The following PDE10A variants were observed in gnomAD, a reference collection of about 807,000 sequenced individuals.
PDE10A encodes cAMP and cAMP-inhibited cGMP 3',5'-cyclic phosphodiesterase 10A.
Under a neutral mutation model 97.7 loss-of-function variants are expected in PDE10A, and 39 were observed. The observed-to-expected ratio is 0.40, with a 90% CI of 0.31 to 0.52. PDE10A has a LOEUF of 0.52. PDE10A is among the 20% of genes least tolerant of loss of function. PDE10A has a pLI of 0.56. For synonymous variants in PDE10A, 371 were observed against 376.8 expected (o/e 0.98, Z 0.18); for missense variants, 731 against 1,047.8 (o/e 0.70, Z 4.17).
chr6:165,703,003 C>G (rs906839100), intron 1 of PDE10A, among the ~76,000 whole-genome samples: 9 of 152,206 alleles, frequency 5.9e-5, no homozygotes, highest in African/African-American at 2.2e-4. Flanking sequence ...TCCACTTGCC[C>G]GTGCAATTCC....
intron 1 of PDE10A, among the ~76,000 whole-genome samples, chr6:165,910,204 G>A (rs937951851): frequency 3.3e-5 from 5 of 152,116 alleles, no homozygotes; most frequent in African/African-American, 1.2e-4. Flanking sequence ...CATAGAGATG[G>A]GGCCGACCAG....
At chr6:165,386,082 C>A (rs1453710382) in intron 17 of PDE10A, among the ~76,000 whole-genome samples, 1 of 152,178 alleles carries the variant, frequency 6.6e-6, no homozygotes, top group African/African-American at 2.4e-5. Context: ...AACTTACTGC[C>A]ATGAGCTCCT....
Position 165,655,502 on chromosome 6 carries a change from T to A in PDE10A, c.865+6445A>T, listed in dbSNP as rs1170004339. 7.2e-6 allele frequency among the ~76,000 whole-genome samples: 1 copy of A among 138,952 alleles called. No homozygotes were observed. Among genetic ancestry groups the A allele is most frequent in the African/African-American group, 2.8e-5 (1 of 35,876 alleles). The allele number at this position is 138,952 out of a possible 152,430, so 91.2% of individuals were successfully genotyped here. A position where few individuals can be genotyped will look rare whatever the true frequency, so the allele number is the denominator to read the frequency against. On this transcript the variant is annotated intron_variant, in intron 1 of 21. Transcript: ENST00000539869. This position sits in a 1 kb window ranked among gnomAD's most constrained non-coding sequence, Gnocchi z 4.5. ...CTCTCTCTCCCTTGACGTCCCCATA[T>A]CCAACCCACCTGCAGGTCTTATACA...
chr6:165,827,013 G>C (rs1779779034), intron 1 of PDE10A, among the ~76,000 whole-genome samples: 1 of 152,146 alleles, frequency 6.6e-6, no homozygotes, highest in African/African-American at 2.4e-5. Flanking sequence ...CCAATAACTT[G>C]CCTGGGTGAC....
chr6:165,648,557 T>C (rs1789524281), intron 1 of PDE10A, among the ~76,000 whole-genome samples: 1 of 152,206 alleles, frequency 6.6e-6, no homozygotes, highest in African/African-American at 2.4e-5. Flanking sequence ...CCTTATTCTA[T>C]CAGCCATACG....
intron 3 of PDE10A, among the ~76,000 whole-genome samples, chr6:165,454,381 G>A (rs1412928573): frequency 6.6e-6 from 1 of 152,282 alleles, no homozygotes; most frequent in African/African-American, 2.4e-5. Flanking sequence ...CAGGGGTGGA[G>A]TGCTATGGTT....
chr6:165,540,365 A>C (rs1783357566), intron 2 of PDE10A, among the ~76,000 whole-genome samples: 1 of 152,222 alleles, frequency 6.6e-6, no homozygotes, highest in Admixed American at 6.5e-5. Flanking sequence ...TTTTGACATA[A>C]TAATTGTACA....
chr6:165,650,405 C>T (rs1439827557), intron 1 of PDE10A, among the ~76,000 whole-genome samples: 1 of 152,176 alleles, frequency 6.6e-6, no homozygotes, highest in African/African-American at 2.4e-5. Flanking sequence ...GCAAGTGTTA[C>T]ATAAACAGTT....
At chr6:165,809,280 G>A (rs1179085488) in intron 1 of PDE10A, among the ~76,000 whole-genome samples, 1 of 152,150 alleles carries the variant, frequency 6.6e-6, no homozygotes, top group African/African-American at 2.4e-5. Flanking sequence ...CCTGGCTCTG[G>A]TAGTTCCCTG....
At chr6:165,791,054 C>T (rs1778636601) in intron 1 of PDE10A, among the ~76,000 whole-genome samples, 1 of 152,062 alleles carries the variant, frequency 6.6e-6, no homozygotes, top group African/African-American at 2.4e-5. Context: ...AAGCAATCCT[C>T]CCGCCTCAGC....
chr6:165,330,590 T>C lies in PDE10A; in HGVS notation c.*2435A>G, dbSNP rs1167758170. 6.6e-6 allele frequency: 1 copy of C among 152,182 alleles called. No homozygotes were observed. Among genetic ancestry groups the C allele is most frequent in the East Asian group, 1.9e-4 (1 of 5,198 alleles). The allele number at this position is 152,182 out of a possible 1,614,324, so 9.4% of individuals were successfully genotyped here. A position where few individuals can be genotyped will look rare whatever the true frequency, so the allele number is the denominator to read the frequency against. ...ATTATGACAATATTTCACAAGAAAT[T>C]AACCAACCAGTAAATCCAATCACAT... On this transcript the variant is annotated 3_prime_UTR_variant, in exon 22 of 22. Coordinates refer to ENST00000539869, the MANE Select transcript of PDE10A (RefSeq NM_001385079.1).
chr6:165,785,984 A>T (rs1374053841), intron 1 of PDE10A, among the ~76,000 whole-genome samples: 1 of 152,250 alleles, frequency 6.6e-6, no homozygotes, highest in Non-Finnish European at 1.5e-5. Flanking sequence ...CTGCTTTAGT[A>T]ACTCAAATTA....
At position 165,853,466 on chromosome 6, in the gene PDE10A, G is replaced by A. The variant is rs188823019; in HGVS notation, c.-615+134063C>T. Among the ~76,000 whole-genome samples the A allele has an allele frequency of 1.4e-4, 22 of 152,238 alleles. No homozygotes were observed. The South Asian group carries it at 2.5e-3, about 17-fold the overall frequency. On this transcript the variant is annotated intron_variant, in intron 1 of 19. Coordinates refer to the PDE10A transcript ENST00000366882. ...TTAGCTACTTGTCCAAAACCATCCT[G>A]GTATGCAGGTTCTCATTCATCTTTA... is the stretch of plus-strand genomic sequence containing the variant.
rs2128169257 is a variant in PDE10A, at chr6:165,327,958, C to G, written c.*5067G>C. The G allele has an allele frequency of 6.6e-6, 1 of 152,294 alleles. No homozygotes were observed. Among genetic ancestry groups the G allele is most frequent in the South Asian group, 2.1e-4 (1 of 4,830 alleles). The allele number at this position is 152,294 out of a possible 1,614,324, so 9.4% of individuals were successfully genotyped here. On this transcript the variant is annotated 3_prime_UTR_variant, in exon 22 of 22. Coordinates refer to ENST00000539869, the MANE Select transcript of PDE10A (RefSeq NM_001385079.1). ...TAGATGCCTTAGCTACGTTATGGATCTAGGATCTCTTTTGTTCATTTGTTC... is the reference window on the plus strand; with the variant it reads ...TAGATGCCTTAGCTACGTTATGGATGTAGGATCTCTTTTGTTCATTTGTTC...
At chr6:165,375,753 G>A (rs536349200) in intron 18 of PDE10A, among the ~76,000 whole-genome samples, 2 of 152,288 alleles carry the variant, frequency 1.3e-5, no homozygotes, top group African/African-American at 4.8e-5. Context: ...GGTGACATCA[G>A]GGTAAAGCCA....
At chr6:165,816,163 A>G (rs1354091932) in intron 1 of PDE10A, among the ~76,000 whole-genome samples, 1 of 152,028 alleles carries the variant, frequency 6.6e-6, no homozygotes, top group Admixed American at 6.6e-5. Context: ...GTTAGCCAGG[A>G]TGCTCTCAAT....
intron 1 of PDE10A, among the ~76,000 whole-genome samples, chr6:165,943,783 C>T (rs1783666096): frequency 6.6e-6 from 1 of 152,198 alleles, no homozygotes; most frequent in African/African-American, 2.4e-5. Flanking sequence ...CAGACCTACC[C>T]AGAAATAGTG....
chr6:165,909,927 G>A (rs934769716), intron 1 of PDE10A, among the ~76,000 whole-genome samples: 3 of 151,884 alleles, frequency 2.0e-5, no homozygotes, highest in Non-Finnish European at 4.4e-5. Flanking sequence ...TCTCTACAAA[G>A]CCCTCTCCCT....
intron 1 of PDE10A, among the ~76,000 whole-genome samples, chr6:165,883,552 A>T (rs573407089): frequency 0.086 from 5,898 of 68,260 alleles, 293 homozygotes; most frequent in African/African-American, 0.23. Context: ...AAAAAAAAAA[A>T]ATAAATAAAA....
Sources: allele counts gnomAD v4.1 joint callset (sites outside exome capture counted in the v4.1 genomes callset), GRCh38; gene constraint gnomAD v4.1.1; non-coding constraint Gnocchi (gnomAD v3.1); transcripts MANE v1.5; gene names NCBI Gene and HGNC (gene_info 2026-07-23, HGNC 2026-07-21).